The following AGBL1 variants were observed in gnomAD, a reference collection of about 807,000 sequenced individuals.
AGBL1 encodes the protein AGBL carboxypeptidase 1.
A neutral mutation model predicts 118.9 loss-of-function variants in AGBL1; 130 were observed. That is an observed-to-expected ratio of 1.09 (90% CI 0.95 to 1.26). The LOEUF (loss-of-function observed/expected upper bound fraction) is 1.26, where lower values mean the gene tolerates loss of function less well. Among genes scored for constraint, AGBL1 ranks in the 50% most tolerant of loss-of-function variants. AGBL1 has a pLI of 0.00. For synonymous variants in AGBL1, 555 were observed against 478.9 expected, an observed-to-expected ratio of 1.16 and a Z score of -2.08; for missense variants, 1,584 against 1,298.1, an observed-to-expected ratio of 1.22 and a Z score of -3.38.
chr15:86,593,422 C>G (rs950953074), intron 21 of AGBL1, among the ~76,000 whole-genome samples: 1 of 151,996 alleles, frequency 6.6e-6, no homozygotes, highest in Non-Finnish European at 1.5e-5. Context: ...GTTATTTAAC[C>G]ATGAGAGCAT....
chr15:86,559,724 CA>C (rs1205269313), intron 21 of AGBL1, among the ~76,000 whole-genome samples: 4 of 152,088 alleles, frequency 2.6e-5, no homozygotes, highest in East Asian at 1.9e-4. Context: ...ACCACTGAGA[CA>C]GAGAAGTTAA....
At chr15:86,395,640 T>C (rs2081350455) in intron 17 of AGBL1, among the ~76,000 whole-genome samples, 1 of 152,080 alleles carries the variant, frequency 6.6e-6, no homozygotes, top group Non-Finnish European at 1.5e-5. Context: ...TTACCTCCAG[T>C]GTATAGGTGA....
chr15:86,852,995 A>T (rs1484026834), intron 22 of AGBL1, among the ~76,000 whole-genome samples: 1 of 152,138 alleles, frequency 6.6e-6, no homozygotes, highest in Non-Finnish European at 1.5e-5. Context: ...TTGAAAGCCA[A>T]TGAGTTTTTG....
intron 21 of AGBL1, among the ~76,000 whole-genome samples, chr15:86,628,502 TA>T (rs2084920327): frequency 1.3e-5 from 2 of 152,162 alleles, no homozygotes; most frequent in African/African-American, 2.4e-5. Context: ...TTTTTTTCTT[TA>T]AAAAAATTTT....
chr15:86,427,905 G>A (rs1271735478), intron 18 of AGBL1, among the ~76,000 whole-genome samples: 1 of 152,096 alleles, frequency 6.6e-6, no homozygotes, highest in African/African-American at 2.4e-5. Flanking sequence ...CAAAGCTTAC[G>A]GACAAATACC....
At chr15:86,960,285 C>T (rs1384889723) in intron 23 of AGBL1, among the ~76,000 whole-genome samples, 1 of 152,062 alleles carries the variant, frequency 6.6e-6, no homozygotes, top group African/African-American at 2.4e-5. Context: ...GCTCTTATCA[C>T]TCTATTTTAT....
At chr15:86,943,714 T>C (rs1180679370) in intron 23 of AGBL1, among the ~76,000 whole-genome samples, 2 of 152,208 alleles carry the variant, frequency 1.3e-5, no homozygotes, top group East Asian at 3.9e-4. Flanking sequence ...GGCTTCCAGG[T>C]ATCCCTTTTC....
intron 21 of AGBL1, among the ~76,000 whole-genome samples, chr15:86,589,345 T>G (rs979323378): frequency 2.6e-5 from 4 of 152,274 alleles, no homozygotes; most frequent in African/African-American, 9.6e-5. Context: ...GAATTTTTGC[T>G]TAGGGGTATT....
chr15:87,014,231 A>ATATG (rs1340589179), intron 24 of AGBL1, among the ~76,000 whole-genome samples: 2 of 152,138 alleles, frequency 1.3e-5, no homozygotes, highest in African/African-American at 4.8e-5. Flanking sequence ...ATCACAATAT[A>ATATG]TATGTCTAAT....
intron 22 of AGBL1, among the ~76,000 whole-genome samples, chr15:86,829,254 G>T: frequency 6.6e-6 from 1 of 152,100 alleles, no homozygotes; most frequent in East Asian, 1.9e-4. Flanking sequence ...CTCTTAGTGG[G>T]CTTCTTAGAA....
chr15:86,354,876 G>A (rs1052490932), intron 17 of AGBL1, among the ~76,000 whole-genome samples: 6 of 152,276 alleles, frequency 3.9e-5, no homozygotes, highest in Middle Eastern at 3.4e-3. Flanking sequence ...GGAATCAGAC[G>A]TGGTAGAAAG....
chr15:86,338,803 C>T (rs1460055262), intron 17 of AGBL1, among the ~76,000 whole-genome samples: 1 of 152,094 alleles, frequency 6.6e-6, no homozygotes, highest in Non-Finnish European at 1.5e-5. Context: ...GCTTCCTGGA[C>T]CATTGAAAAA....
At chr15:86,421,580 G>C (rs2081790636) in intron 18 of AGBL1, among the ~76,000 whole-genome samples, 1 of 152,042 alleles carries the variant, frequency 6.6e-6, no homozygotes, top group South Asian at 2.1e-4. Context: ...CATCATGACA[G>C]GATCAAATTC....
At chr15:87,027,645 A>ATGAT (rs1305870187) in intron 24 of AGBL1, among the ~76,000 whole-genome samples, 3 of 152,074 alleles carry the variant, frequency 2.0e-5, no homozygotes, top group Admixed American at 6.6e-5. Flanking sequence ...ATGCCCATCA[A>ATGAT]TGATAGACTG....
chr15:86,111,975 C>T (rs993767413), intron 1 of AGBL1, among the ~76,000 whole-genome samples: 14 of 152,178 alleles, frequency 9.2e-5, no homozygotes, highest in African/African-American at 2.2e-4. Context: ...GAGGGGTCTA[C>T]GTTGCTCTCT....
At chr15:87,014,706 T>A (rs1596742000) in intron 24 of AGBL1, among the ~76,000 whole-genome samples, 1 of 152,284 alleles carries the variant, frequency 6.6e-6, no homozygotes, top group African/African-American at 2.4e-5. Context: ...CTGAACATTT[T>A]AAATGGAGAA....
intron 21 of AGBL1, among the ~76,000 whole-genome samples, chr15:86,598,687 G>A (rs2084446007): frequency 6.6e-6 from 1 of 152,108 alleles, no homozygotes; most frequent in African/African-American, 2.4e-5. Flanking sequence ...GAACACTGCT[G>A]TGACTGTCTG....
intron 18 of AGBL1, among the ~76,000 whole-genome samples, chr15:86,466,685 C>T (rs905403646): frequency 4.6e-5 from 7 of 152,038 alleles, no homozygotes; most frequent in African/African-American, 1.7e-4. Flanking sequence ...TTTGTGTGGT[C>T]GTCCTTTTTG....
At chr15:86,543,816 A>T (rs962329921) in intron 19 of AGBL1, among the ~76,000 whole-genome samples, 1 of 152,218 alleles carries the variant, frequency 6.6e-6, no homozygotes, top group Non-Finnish European at 1.5e-5. Context: ...TGCTATATCC[A>T]TCTTATTCAT....
Sources: allele counts gnomAD v4.1 joint callset (sites outside exome capture counted in the v4.1 genomes callset), GRCh38; gene constraint gnomAD v4.1.1; transcripts MANE v1.5; gene names NCBI Gene and HGNC (gene_info 2026-07-23, HGNC 2026-07-21).